IGDCC4: variants seen among roughly 807,000 people sequenced by gnomAD.
The protein encoded by IGDCC4 is likely ortholog of mouse neighbor of Punc E11.
A neutral mutation model predicts 116.6 loss-of-function variants in IGDCC4; 72 were observed. The ratio of observed to expected loss-of-function variants is 0.62; its 90% CI spans 0.51 to 0.75. The LOEUF is 0.75. IGDCC4 is among the 30% of genes least tolerant of loss of function. The pLI is 0.00. For missense variants in IGDCC4, 1,501 were observed against 1,662.4 expected (o/e 0.90, Z 1.69); for synonymous variants, 709 against 719.9 (o/e 0.98, Z 0.24).
chr15:65,392,063 T>G (rs1406708159), intron 11 of IGDCC4, 71 bp downstream of exon 11: 1 of 1,544,468 alleles, frequency 6.5e-7, no homozygotes, highest in African/African-American at 1.4e-5. Context: ...CATCTCTAAC[T>G]TCTTCACACA....
chr15:65,392,351 C>G lies in IGDCC4; in HGVS notation c.1905G>C (p.Glu635Asp), dbSNP rs758585019. 13 of 1,546,946 alleles carry G rather than the reference C, an allele frequency of 8.4e-6. 1 individual carries two copies. The South Asian group carries it at 1.6e-4, about 19-fold the overall frequency. Residue 635 changes from glutamate to aspartate, a missense_variant, in exon 11 of 20, where the codon GAG becomes GAC. By Grantham distance (45) the Glu-to-Asp change is conservative. Coordinates refer to ENST00000352385, the MANE Select transcript of IGDCC4 (RefSeq NM_020962.3). ...NQSHVPFAPA[E>D]LKVQAKMESL... is the part of the protein sequence containing the mutation. ...ACTCCATCTTTGCCTGCACCTTCAA[C>G]TCTGCAGGGGCAAAAGGGACTGGGG...
chr15:65,411,212 C>T lies in IGDCC4; in HGVS notation c.229G>A (p.Asp77Asn), dbSNP rs1186940567. ...AAGTGGTCGTGCTCCAGCAGGGTGT[C>T]CCCATCCTTGCTCCAGGTCACCCTG... ...PTRVTWSKDG[D>N]TLLEHDHLHL... Residue 77 changes from aspartate to asparagine, a missense_variant, in exon 2 of 20, where the codon GAC becomes AAC. By Grantham distance (23) the Asp-to-Asn change is conservative (BLOSUM62 1). This residue lies in a region of IGDCC4 where 898 missense variants were observed against 978.9 expected (regional missense o/e 0.92). Transcript: ENST00000352385. 5 of 1,614,062 alleles carry T rather than the reference C, an allele frequency of 3.1e-6. No individual in the cohort carries two copies. The African/African-American group carries it at 5.3e-5, about 17-fold the overall frequency.
At chr15:65,421,395 C>T (rs900892035) in intron 1 of IGDCC4, among the ~76,000 whole-genome samples, 3 of 152,210 alleles carry the variant, frequency 2.0e-5, no homozygotes, top group Non-Finnish European at 4.4e-5. Context: ...CCGCCCCTTT[C>T]ACCTGACAAG....
At chr15:65,387,476 G>T (rs192674756) in intron 16 of IGDCC4, among the ~76,000 whole-genome samples, 5 of 152,118 alleles carry the variant, frequency 3.3e-5, no homozygotes, top group African/African-American at 1.2e-4. Flanking sequence ...AGCCTCCTGA[G>T]TAGTTGGGAC....
At chr15:65,410,488 G>C (rs1194983859) in intron 2 of IGDCC4, 169 bp from the exon 3 acceptor site, 10 of 726,000 alleles carry the variant, frequency 1.4e-5, no homozygotes, top group Non-Finnish European at 2.3e-5. Flanking sequence ...GTGGTGATTA[G>C]CGGTCAGATA....
Position 65,412,511 on chromosome 15 carries a change from C to CAAAAAAAAAAAA in IGDCC4, c.71-1153_71-1142dup, listed in dbSNP as rs3082805. Among the ~76,000 whole-genome samples, 19 of 16,716 alleles carry CAAAAAAAAAAAA rather than the reference C, an allele frequency of 1.1e-3. 7 individuals are homozygous for CAAAAAAAAAAAA. The highest frequency in any genetic ancestry group is 5.6e-3 in the East Asian group (3 of 532). The allele number at this position is 16,716 out of a possible 152,430, so 11.0% of individuals were successfully genotyped here. A position where few individuals can be genotyped will look rare whatever the true frequency, so the allele number is the denominator to read the frequency against. ...TGGGTGACAGAATGAGATTCCATCT[C>CAAAAAAAAAAAA]AAAAAAAAAAAAAAAAAAAAAAAAA... On this transcript the variant is annotated intron_variant, in intron 1 of 19. Transcript: ENST00000352385.
Position 65,396,996 on chromosome 15 carries a change from A to G in IGDCC4, c.842-7T>C. 1 of 1,575,968 alleles carries G rather than the reference A, an allele frequency of 6.3e-7. No homozygotes were observed. The highest frequency in any genetic ancestry group is 8.6e-7 in the Non-Finnish European group (1 of 1,160,228). On this transcript the variant is annotated splice_region_variant and splice_polypyrimidine_tract_variant and intron_variant, in intron 5 of 19. Coordinates refer to ENST00000352385, the MANE Select transcript of IGDCC4 (RefSeq NM_020962.3). ...GTGGAGATGGGCTTCCCGTCTGGGGAAGGAGAGGGAGACGCGCTGGAGGGG... is the reference window on the plus strand; with the variant it reads ...GTGGAGATGGGCTTCCCGTCTGGGGGAGGAGAGGGAGACGCGCTGGAGGGG...
intron 17 of IGDCC4, 99 bp downstream of exon 17, chr15:65,386,452 G>A: frequency 2.0e-6 from 2 of 990,406 alleles, no homozygotes; most frequent in South Asian, 1.4e-5. Context: ...GCTCCTGGGA[G>A]TGCCAAGGGC....
At chr15:65,395,281 G>A in intron 7 of IGDCC4, 23 bp from the exon 8 acceptor site, 2 of 1,598,464 alleles carry the variant, frequency 1.3e-6, no homozygotes, top group Non-Finnish European at 1.7e-6. Flanking sequence ...GGGACAAGGG[G>A]ACTGTCATAG....
At chr15:65,406,856 G>T (rs191331376) in intron 3 of IGDCC4, among the ~76,000 whole-genome samples, 1 of 152,140 alleles carries the variant, frequency 6.6e-6, no homozygotes. Context: ...ACGGGATGAC[G>T]CCTGAGCTAG....
intron 3 of IGDCC4, among the ~76,000 whole-genome samples, chr15:65,407,152 T>A (rs2063047719): frequency 6.6e-6 from 1 of 151,978 alleles, no homozygotes; most frequent in Non-Finnish European, 1.5e-5. Flanking sequence ...TATTTCTGCC[T>A]CTGATCCTCC....
intron 14 of IGDCC4, 39 bp from the exon 15 acceptor site, chr15:65,389,017 C>T (rs1475158654): frequency 1.4e-6 from 2 of 1,390,136 alleles, no homozygotes; most frequent in South Asian, 1.3e-5. Flanking sequence ...GATGTCAGAG[C>T]TGGGGGACAG....
chr15:65,417,410 T>G (rs2063154436), intron 1 of IGDCC4, among the ~76,000 whole-genome samples: 1 of 152,162 alleles, frequency 6.6e-6, no homozygotes, highest in South Asian at 2.1e-4. Context: ...CCCGCTCCCC[T>G]GAGACCCTCT....
At position 65,392,301 on chromosome 15, in the gene IGDCC4, G is replaced by A. The variant is rs1212131540; in HGVS notation, c.1955C>T (p.Pro652Leu). Residue 652 changes from proline to leucine, a missense_variant, in exon 11 of 20, where the codon CCC becomes CTC. Coordinates refer to ENST00000352385, the MANE Select transcript of IGDCC4 (RefSeq NM_020962.3). ...MESLVVSWQP[P>L]PHPTQISGYK... ...GCCAGAGATCTGGGTGGGGTGAGGG[G>A]GTGGCTGCCATGACACGACCAGGGA... The A allele has an allele frequency of 6.3e-7, 1 of 1,596,416 alleles. No individual in the cohort carries two copies. The highest frequency in any genetic ancestry group is 1.3e-5 in the African/African-American group (1 of 74,586).
At position 65,383,752 on chromosome 15, in the gene IGDCC4, C is replaced by T. The variant is rs935890156; in HGVS notation, c.*257G>A. On this transcript the variant is annotated 3_prime_UTR_variant, in exon 20 of 20. Coordinates refer to ENST00000352385, the MANE Select transcript of IGDCC4 (RefSeq NM_020962.3). ...GTTTCCCAGCTCAACAACCAGTACG[C>T]ATACATGCACTTCACACATGTGCAC... The T allele has an allele frequency of 3.8e-5, 15 of 398,848 alleles. No homozygotes were observed. Among genetic ancestry groups the T allele is most frequent in the Non-Finnish European group, 5.3e-5 (12 of 224,604 alleles). 24.7% of individuals were successfully genotyped at this position (398,848 alleles called of 1,614,324 possible).
intron 10 of IGDCC4, among the ~76,000 whole-genome samples, chr15:65,392,994 A>G (rs1015333366): frequency 2.0e-5 from 3 of 152,096 alleles, no homozygotes; most frequent in African/African-American, 7.2e-5. Flanking sequence ...TCAGCATTTA[A>G]TCACTCTTCT....
chr15:65,414,220 A>T (rs1474686156), intron 1 of IGDCC4, among the ~76,000 whole-genome samples: 30 of 152,236 alleles, frequency 2.0e-4, no homozygotes, highest in Admixed American at 2.0e-3. Flanking sequence ...CTGGGATTGC[A>T]GTGTGAAGGG....
In IGDCC4 at chr15:65,400,824, C is replaced by T. The variant is rs1277958768; in HGVS notation, c.823G>A (p.Val275Met). The T allele has an allele frequency of 6.2e-7, 1 of 1,608,868 alleles. No individual in the cohort carries two copies. Among genetic ancestry groups the T allele is most frequent in the South Asian group, 1.1e-5 (1 of 90,384 alleles). Reference protein sequence around the residue: ...CVASADPTPFVSWVRQDGKPI... With the variant: ...CVASADPTPFMSWVRQDGKPI... The stretch of plus-strand genomic sequence containing the variant: ...CACTCACCTTGTCGGACCCAGGACA[C>T]AAAAGGGGTGGGGTCAGCTGAGGCC... The change falls in exon 5 of 20, where the codon GTG (valine) becomes ATG (methionine). Residue 275 changes from valine (V) to methionine (M), a missense_variant. Around this residue, in one of 3 missense-constraint regions of IGDCC4, gnomAD observed 898 missense variants for 978.9 expected, o/e 0.92. Coordinates refer to ENST00000352385, the MANE Select transcript of IGDCC4 (RefSeq NM_020962.3).
intron 1 of IGDCC4, among the ~76,000 whole-genome samples, chr15:65,418,980 C>T (rs1330779692): frequency 6.6e-6 from 1 of 152,144 alleles, no homozygotes. Flanking sequence ...AGTCCCTAAT[C>T]ATGTAACTTT....
Sources: gnomAD v4.1 joint callset for allele counts (sites outside exome capture counted in the v4.1 genomes callset) on GRCh38, gnomAD v4.1.1 for gene constraint, gnomAD v4.1.1 regional missense constraint, MANE v1.5 for transcripts, NCBI Gene and HGNC (gene_info 2026-07-23, HGNC 2026-07-21) for gene names.